PRRG4: variants seen among roughly 807,000 people sequenced by gnomAD.
The protein encoded by PRRG4 is proline rich and Gla domain 4.
Under a neutral mutation model 20.0 loss-of-function variants are expected in PRRG4, and 12 were observed. The ratio of observed to expected loss-of-function variants is 0.60; its 90% confidence interval spans 0.38 to 0.97. PRRG4 has a LOEUF of 0.97. PRRG4 is among the 50% of genes least tolerant of loss of function. PRRG4 has a pLI of 0.00. For missense variants in PRRG4, 199 were observed against 265.1 expected (o/e 0.75, Z 1.73); for synonymous variants, 94 against 96.4 (o/e 0.98, Z 0.15).
chr11:32,849,449 GGT>G (rs1715567755), intron 5 of PRRG4, among the ~76,000 whole-genome samples: 2 of 152,184 alleles, frequency 1.3e-5, no homozygotes, highest in Admixed American at 1.3e-4. Context: ...CAGATCACGA[GGT>G]CAGGAGTTCG....
chr11:32,832,244 C>T (rs974213073), intron 2 of PRRG4, among the ~76,000 whole-genome samples: 1 of 152,064 alleles, frequency 6.6e-6, no homozygotes, highest in Non-Finnish European at 1.5e-5. Flanking sequence ...CAATCTCTGC[C>T]CTGGAGGACA....
chr11:32,848,718 T>A (rs1004242132), intron 5 of PRRG4, among the ~76,000 whole-genome samples: 4 of 151,980 alleles, frequency 2.6e-5, no homozygotes, highest in African/African-American at 9.7e-5. Flanking sequence ...ATGCCTGTAA[T>A]CCCAGAACTT....
At chr11:32,842,462 T>A (rs1851087590) in intron 5 of PRRG4, among the ~76,000 whole-genome samples, 1 of 152,204 alleles carries the variant, frequency 6.6e-6, no homozygotes, top group Non-Finnish European at 1.5e-5. Flanking sequence ...GGCTCACACC[T>A]GTAATCCCAG....
At chr11:32,831,840 G>C (rs1850974446) in intron 2 of PRRG4, among the ~76,000 whole-genome samples, 1 of 152,054 alleles carries the variant, frequency 6.6e-6, no homozygotes, top group Admixed American at 6.6e-5. Flanking sequence ...GGCCAACATG[G>C]TGAAACCCCG....
chr11:32,855,754 T>G lies in PRRG4; in HGVS notation c.*2227T>G, dbSNP rs991080121. The G allele has an allele frequency of 1.3e-5, 2 of 152,266 alleles. No homozygotes were observed. Among genetic ancestry groups the G allele is most frequent in the African/African-American group, 4.8e-5 (2 of 41,484 alleles). The allele number at this position is 152,266 out of a possible 1,614,324, so 9.4% of individuals were successfully genotyped here. ...CCCACGTTGCATATAAAAATCTTGC[T>G]ATTCCTTGTGTCTTGGCTTTACATA... On this transcript the variant is annotated 3_prime_UTR_variant, in exon 6 of 6. Coordinates refer to ENST00000257836, the MANE Select transcript of PRRG4 (RefSeq NM_024081.6).
rs773636317 is a variant in PRRG4, at chr11:32,830,608, G to GCTT, written c.82_84dup (p.Ser28dup). On this transcript the variant is annotated inframe_insertion, in exon 2 of 6. Transcript: ENST00000257836. Reference sequence around the variant, plus strand: ...TCCTCATTGCGCAAGAGGTCCAAAGGCTTCTAAGCATGCGGGAGAAGAAGG... The same window carrying GCTT: ...TCCTCATTGCGCAAGAGGTCCAAAGGCTTCTTCTAAGCATGCGGGAGAAGAAGG... The GCTT allele has an allele frequency of 6.2e-7, 1 of 1,613,892 alleles. No individual in the cohort carries two copies. The highest frequency in any genetic ancestry group is 8.5e-7 in the Non-Finnish European group (1 of 1,179,970).
chr11:32,836,296 C>T (rs1166471860), intron 2 of PRRG4, among the ~76,000 whole-genome samples: 1 of 152,032 alleles, frequency 6.6e-6, no homozygotes, highest in African/African-American at 2.4e-5. Flanking sequence ...GTCCATGATG[C>T]CCCACTAATT....
intron 5 of PRRG4, among the ~76,000 whole-genome samples, chr11:32,845,214 AG>A (rs1483845394): frequency 6.6e-6 from 1 of 152,170 alleles, no homozygotes; most frequent in Non-Finnish European, 1.5e-5. Context: ...CTTCTCATTT[AG>A]TACTCTCAGT....
intron 5 of PRRG4, among the ~76,000 whole-genome samples, chr11:32,850,374 T>G (rs915254553): frequency 3.3e-5 from 5 of 152,190 alleles, no homozygotes; most frequent in Admixed American, 6.5e-5. Flanking sequence ...AGTGGCACTG[T>G]GATTATGACA....
chr11:32,853,353 T>C lies in PRRG4; in HGVS notation c.507T>C (p.Pro169=). ...RHTPSIIFRR[P]EEAALSPLPP... is the part of the protein sequence containing the mutation. Reference sequence around the variant, plus strand: ...CTCCCTCCATCATTTTCAGAAGACCTGAGGAGGCTGCCTTGTCTCCATTGC... The same window carrying C: ...CTCCCTCCATCATTTTCAGAAGACCCGAGGAGGCTGCCTTGTCTCCATTGC... The change falls in exon 6 of 6, where the codon CCT becomes CCC. Residue 169 remains proline (P), a synonymous_variant. Coordinates refer to ENST00000257836, the MANE Select transcript of PRRG4 (RefSeq NM_024081.6). The C allele has an allele frequency of 6.2e-7, 1 of 1,614,150 alleles. No individual in the cohort carries two copies. The highest frequency in any genetic ancestry group is 8.5e-7 in the Non-Finnish European group (1 of 1,180,004).
intron 5 of PRRG4, among the ~76,000 whole-genome samples, chr11:32,851,235 G>T (rs1851180588): frequency 6.6e-6 from 1 of 152,184 alleles, no homozygotes; most frequent in South Asian, 2.1e-4. Context: ...TGATGTGTAA[G>T]AAAGCACTGT....
At chr11:32,836,543 A>C in intron 2 of PRRG4, 115 bp from the exon 3 acceptor site, 1 of 483,096 alleles carries the variant, frequency 2.1e-6, no homozygotes. Context: ...CTTTACAAAA[A>C]AGTTTGGTAT....
chr11:32,846,943 A>G (rs1218700541), intron 5 of PRRG4, among the ~76,000 whole-genome samples: 1 of 151,858 alleles, frequency 6.6e-6, no homozygotes, highest in Non-Finnish European at 1.5e-5. Context: ...GGTTGCAGTG[A>G]GCCGAGATCC....
chr11:32,850,724 A>G (rs1457989435), intron 5 of PRRG4, among the ~76,000 whole-genome samples: 2 of 152,338 alleles, frequency 1.3e-5, no homozygotes, highest in Middle Eastern at 3.4e-3. Context: ...GAGAAAGAAA[A>G]GAATAAAAAA....
intron 5 of PRRG4, among the ~76,000 whole-genome samples, chr11:32,841,103 C>T (rs1851073207): frequency 6.6e-6 from 1 of 151,362 alleles, no homozygotes; most frequent in East Asian, 1.9e-4. Flanking sequence ...GCTAAACAGG[C>T]TATTAGAAAT....
intron 5 of PRRG4, among the ~76,000 whole-genome samples, chr11:32,844,995 TA>T (rs1851115023): frequency 6.6e-6 from 1 of 152,164 alleles, no homozygotes; most frequent in African/African-American, 2.4e-5. Flanking sequence ...AATCAGAAAG[TA>T]TTATATTGCA....
chr11:32,840,239 G>T lies in PRRG4; in HGVS notation c.449G>T (p.Cys150Phe), dbSNP rs1199106952. ...AAGTGTAATAGGCTACAACATCCAT[G>T]GTAAGTACTAAGTGAAATTATTTAA... ...ITKCNRLQHPCSSAVYERGRH... is the reference protein window; with the variant it reads ...ITKCNRLQHPFSSAVYERGRH... The change falls in exon 5 of 6, where the codon TGC becomes TTC. Residue 150 changes from cysteine to phenylalanine, a missense_variant and splice_region_variant. Cys to Phe is a radical substitution (Grantham distance 205). Coordinates refer to ENST00000257836, the MANE Select transcript of PRRG4 (RefSeq NM_024081.6). This position sits in a 1 kb window ranked among gnomAD's most constrained non-coding sequence, Gnocchi z 4.1. 6.3e-7 allele frequency: 1 copy of T among 1,586,710 alleles called. No homozygotes were observed. Among genetic ancestry groups the T allele is most frequent in the South Asian group, 1.1e-5 (1 of 88,420 alleles).
At chr11:32,850,947 C>T (rs769284521) in intron 5 of PRRG4, among the ~76,000 whole-genome samples, 2 of 152,124 alleles carry the variant, frequency 1.3e-5, no homozygotes, top group Non-Finnish European at 2.9e-5. Flanking sequence ...GTGGCGGGCA[C>T]CTGTAATCTC....
chr11:32,844,402 G>A (rs1377423635), intron 5 of PRRG4, among the ~76,000 whole-genome samples: 2 of 151,604 alleles, frequency 1.3e-5, no homozygotes, highest in East Asian at 3.9e-4. Context: ...TAAATGACGT[G>A]ATACACAAAA....
Sources: allele counts gnomAD v4.1 joint callset (sites outside exome capture counted in the v4.1 genomes callset), GRCh38; gene constraint gnomAD v4.1.1; non-coding constraint Gnocchi (gnomAD v3.1); transcripts MANE v1.5; gene names NCBI Gene and HGNC (gene_info 2026-07-23, HGNC 2026-07-21).